DMWD: variants seen among roughly 807,000 people sequenced by gnomAD.
DMWD encodes DM1 locus, WD repeat containing.
A neutral mutation model predicts 45.8 loss-of-function variants in DMWD; 19 were observed. The observed-to-expected ratio is 0.41, with a 90% CI of 0.29 to 0.61. The LOEUF (loss-of-function observed/expected upper bound fraction) is 0.61. DMWD is among the 20% of genes least tolerant of loss of function. The pLI, the probability that DMWD is intolerant of heterozygous loss-of-function variation, is 0.25. For synonymous variants in DMWD, 515 were observed against 440.5 expected (o/e 1.17, Z -2.12); for missense variants, 802 against 965.2 (o/e 0.83, Z 2.24).
chr19:45,783,491 G>A lies in DMWD; in HGVS notation c.*752C>T. The A allele has an allele frequency of 2.5e-6, 1 of 398,464 alleles. No homozygotes were observed. The highest frequency in any genetic ancestry group is 3.6e-5 in the East Asian group (1 of 28,068). 24.7% of individuals were successfully genotyped at this position (398,464 alleles called of 1,614,324 possible). A position where few individuals can be genotyped will look rare whatever the true frequency, so the allele number is the denominator to read the frequency against. ...ACTTTGATGAGGGGCCCTGGCTGCGGGCAGGATGCTCTTCTCCCCAAGAGG... is the reference window on the plus strand; with the variant it reads ...ACTTTGATGAGGGGCCCTGGCTGCGAGCAGGATGCTCTTCTCCCCAAGAGG... On this transcript the variant is annotated 3_prime_UTR_variant, in exon 5 of 5. Coordinates refer to ENST00000270223, the MANE Select transcript of DMWD (RefSeq NM_004943.2).
At chr19:45,790,384 T>C (rs927808683) in intron 2 of DMWD, among the ~76,000 whole-genome samples, 1 of 144,670 alleles carries the variant, frequency 6.9e-6, no homozygotes, top group Non-Finnish European at 1.5e-5. Context: ...CCGGGCATGG[T>C]GGCTCACACC....
chr19:45,785,174 G>A, intron 3 of DMWD: 1 of 1,025,100 alleles, frequency 9.8e-7, no homozygotes, highest in Non-Finnish European at 1.2e-6. Flanking sequence ...CCAGACCCAG[G>A]CTGGCAGCCA....
rs1028743162 is a variant in DMWD, at chr19:45,792,811, C to T, written c.-55G>A. ...CGGACTGCCGCCCGCAGCCGGGCCC[C>T]CTCCCGGAAGCCGCTGGCCCGCGCC... On this transcript the variant is annotated 5_prime_UTR_variant, in exon 1 of 5. Coordinates refer to ENST00000270223, the MANE Select transcript of DMWD (RefSeq NM_004943.2). 299 of 1,081,898 alleles carry T rather than the reference C, an allele frequency of 2.8e-4. No individual in the cohort carries two copies. The highest frequency in any genetic ancestry group is 4.1e-4 in the Middle Eastern group (1 of 2,432). 67.0% of individuals were successfully genotyped at this position (1,081,898 alleles called of 1,614,324 possible).
rs1234385465 is a variant in DMWD at position 45,785,902 on chromosome 19, G to A, written c.1594C>T (p.Arg532Trp). 6.9e-6 allele frequency: 11 copies of A among 1,603,896 alleles called. No individual in the cohort carries two copies. The highest frequency in any genetic ancestry group is 2.7e-5 in the African/African-American group (2 of 75,022). Residue 532 changes from arginine (R) to tryptophan (W), a missense_variant, in exon 3 of 5, where the codon CGG (arginine) becomes TGG (tryptophan). Transcript: ENST00000270223. ...TGCTCCTTCTCTGCCCCCCGGTCCC[G>A]CCGCTCCTGCAGTGTGAGCGTGGCG... ...RFATLTLQER[R>W]DRGAEKEHKR...
In DMWD at chr19:45,786,069, G is replaced by T; in HGVS notation, c.1427C>A (p.Ser476Ter). The T allele has an allele frequency of 6.6e-7, 1 of 1,522,424 alleles. No homozygotes were observed. Among genetic ancestry groups the T allele is most frequent in the South Asian group, 1.3e-5 (1 of 78,698 alleles). The allele number at this position is 1,522,424 out of a possible 1,614,324, so 94.3% of individuals were successfully genotyped here. ...PGTTPPAASS[S>*]RGGEPGPGPL... ...GCCTGGGCCAGGCTCGCCACCCCTCGAGCTGCTGGCGGCCGGTGGCGTGGT... is the reference window on the plus strand; with the variant it reads ...GCCTGGGCCAGGCTCGCCACCCCTCTAGCTGCTGGCGGCCGGTGGCGTGGT... Residue 476 changes from serine to a stop codon, truncating the protein, a stop_gained, in exon 3 of 5, where the codon TCG becomes TAG. Coordinates refer to ENST00000270223, the MANE Select transcript of DMWD (RefSeq NM_004943.2). LOFTEE classifies it high-confidence loss of function.
chr19:45,791,973 A>G (rs1287690056), intron 1 of DMWD, among the ~76,000 whole-genome samples: 2 of 151,948 alleles, frequency 1.3e-5, no homozygotes, highest in Non-Finnish European at 2.9e-5. Flanking sequence ...GCATCACCTC[A>G]TGATTCCCCA....
intron 3 of DMWD, chr19:45,785,282 T>G: frequency 8.7e-7 from 1 of 1,153,646 alleles, no homozygotes; most frequent in Non-Finnish European, 1.1e-6. Flanking sequence ...AGATTCTGGT[T>G]CGAGTGACAG....
Position 45,783,367 on chromosome 19 carries a change from G to A in DMWD, c.*876C>T, listed in dbSNP as rs1420608823. Reference sequence around the variant, plus strand: ...GGGTGCCTGGGCCTTGAGAGGGCCAGGCCTGAGAAACTAGGAGGCAAGGAC... The same window carrying A: ...GGGTGCCTGGGCCTTGAGAGGGCCAAGCCTGAGAAACTAGGAGGCAAGGAC... On this transcript the variant is annotated 3_prime_UTR_variant, in exon 5 of 5. Coordinates refer to ENST00000270223, the MANE Select transcript of DMWD (RefSeq NM_004943.2). 1 of 389,746 alleles carries A rather than the reference G, an allele frequency of 2.6e-6. No homozygotes were observed. The highest frequency in any genetic ancestry group is 2.1e-5 in the African/African-American group (1 of 48,462). 24.1% of individuals were successfully genotyped at this position (389,746 alleles called of 1,614,324 possible).
Position 45,786,708 on chromosome 19 carries a change from A to G in DMWD, c.788T>C (p.Phe263Ser). The G allele has an allele frequency of 6.2e-7, 1 of 1,612,210 alleles. No homozygotes were observed. The highest frequency in any genetic ancestry group is 8.5e-7 in the Non-Finnish European group (1 of 1,178,504). ...QYSLLKQGEG[F>S]SVYAAKSKAP... is the part of the protein sequence containing the mutation. ...CTTGCTCTTGGCAGCATAGACAGAG[A>G]AGCCCTCGCCCTGCTTCAGCAGGCT... Residue 263 changes from phenylalanine (F) to serine (S), a missense_variant, in exon 3 of 5, where the codon TTC becomes TCC. Phe to Ser is a radical substitution (Grantham distance 155). This residue lies in a region of DMWD where 146 missense variants were observed against 212.8 expected (regional missense o/e 0.69). Coordinates refer to ENST00000270223, the MANE Select transcript of DMWD (RefSeq NM_004943.2).
Position 45,786,151 on chromosome 19 carries a change from C to T in DMWD, c.1345G>A (p.Val449Met), listed in dbSNP as rs556211008. The T allele has an allele frequency of 7.7e-6, 12 of 1,565,580 alleles. No individual in the cohort carries two copies. Among genetic ancestry groups the T allele is most frequent in the South Asian group, 7.1e-5 (6 of 84,862 alleles). Residue 449 changes from valine (V) to methionine (M), a missense_variant, in exon 3 of 5, where the codon GTG becomes ATG. Val to Met is a conservative substitution (Grantham distance 21). Transcript: ENST00000270223. ...QFCLWDLTED[V>M]LYPHPPLART... ...GCCAGGGGGGGGTGCGGGTAGAGCA[C>T]GTCTTCAGTGAGGTCCCACAGGCAG...
In DMWD at chr19:45,792,338, C is replaced by G. The variant is rs768362051; in HGVS notation, c.419G>C (p.Cys140Ser). The part of the protein sequence containing the change: ...LGRELYFYPG[C>S]CRRGSQRSID... ...CACCCGTTGGCTCCCACGACGACAGCAGCCTGGGTAGAAATAGAGCTCACG... is the reference window on the plus strand; with the variant it reads ...CACCCGTTGGCTCCCACGACGACAGGAGCCTGGGTAGAAATAGAGCTCACG... Residue 140 changes from cysteine to serine, a missense_variant, in exon 1 of 5, where the codon TGC (cysteine) becomes TCC (serine). Cys to Ser is a moderately radical substitution (Grantham distance 112, BLOSUM62 -1). Transcript: ENST00000270223. 1.9e-6 allele frequency: 3 copies of G among 1,611,220 alleles called. No individual in the cohort carries two copies. The highest frequency in any genetic ancestry group is 3.3e-5 in the Admixed American group (2 of 59,848).
rs373405602 is a variant in DMWD at position 45,786,326 on chromosome 19, G to A, written c.1170C>T (p.Ala390=). Residue 390 remains alanine (A), a synonymous_variant, in exon 3 of 5, where the codon GCC becomes GCT. Transcript: ENST00000270223. ...TTRAEEAATA[A]GADGERSGEE... ...CGCCGCTCCGCTCCCCATCAGCACCGGCTGCTGTCGCCGCCTCCTCTGCCC... is the reference window on the plus strand; with the variant it reads ...CGCCGCTCCGCTCCCCATCAGCACCAGCTGCTGTCGCCGCCTCCTCTGCCC... The A allele has an allele frequency of 1.7e-5, 28 of 1,606,460 alleles. No individual in the cohort carries two copies. Among genetic ancestry groups the A allele is most frequent in the East Asian group, 6.7e-5 (3 of 44,662 alleles).
intron 2 of DMWD, among the ~76,000 whole-genome samples, chr19:45,787,617 T>C (rs1046969375): frequency 4.6e-5 from 7 of 152,220 alleles, no homozygotes; most frequent in African/African-American, 1.7e-4. Context: ...CACTATTCTT[T>C]AAAGCAGTGC....
chr19:45,787,215 T>C, intron 2 of DMWD: 2 of 350,216 alleles, frequency 5.7e-6, no homozygotes, highest in Non-Finnish European at 5.4e-6. Context: ...TAGTGGTCCG[T>C]GGCCTGTTAG....
Position 45,786,217 on chromosome 19 carries a change from T to C in DMWD, c.1279A>G (p.Ile427Val), listed in dbSNP as rs772310008. 3 of 1,611,410 alleles carry C rather than the reference T, an allele frequency of 1.9e-6. No individual in the cohort carries two copies. The highest frequency in any genetic ancestry group is 1.3e-5 in the African/African-American group (1 of 74,998). ...PLSPLPKAGS[I>V]TYRFGSAGQD... ...CCCGCCGAGCCAAAGCGGTAAGTAA[T>C]GGAGCCAGCCTTGGGCAGTGGAGAG... is the stretch of plus-strand genomic sequence containing the variant. The change falls in exon 3 of 5, where the codon ATT (isoleucine) becomes GTT (valine). Residue 427 changes from isoleucine (I) to valine (V), a missense_variant. This residue lies in a region of DMWD where 67 missense variants were observed against 57.9 expected (regional missense o/e 1.16). Coordinates refer to ENST00000270223, the MANE Select transcript of DMWD (RefSeq NM_004943.2).
chr19:45,784,912 A>G (rs1970250713), intron 3 of DMWD, among the ~76,000 whole-genome samples, 197 bp from the exon 4 acceptor site: 1 of 152,168 alleles, frequency 6.6e-6, no homozygotes, highest in African/African-American at 2.4e-5. Flanking sequence ...AGAAGCTGAG[A>G]CACCCAAGAC....
chr19:45,789,588 A>G (rs1250712431), intron 2 of DMWD: 1 of 152,254 alleles, frequency 6.6e-6, no homozygotes, highest in Admixed American at 6.5e-5. Context: ...ATGGTGCAGC[A>G]GGGCTTTGAA....
intron 2 of DMWD, chr19:45,789,223 G>A (rs1020866107): frequency 6.6e-6 from 1 of 152,256 alleles, no homozygotes; most frequent in East Asian, 1.9e-4. Flanking sequence ...GCTGGGAACG[G>A]TGCCTGGCAC....
rs1315273244 is a variant in DMWD at position 45,786,482 on chromosome 19, G to A, written c.1014C>T (p.Gly338=). The part of the protein sequence containing the change: ...GLLCVCWSPD[G]RYVVTGGEDD... ...CTTCGCCACCCGTCACCACGTAGCG[G>A]CCGTCAGGGCTCCAGCACACACACA... The change falls in exon 3 of 5, where the codon GGC becomes GGT. Residue 338 remains glycine, a synonymous_variant. Transcript: ENST00000270223. The A allele has an allele frequency of 6.2e-7, 1 of 1,612,844 alleles. No individual in the cohort carries two copies. Among genetic ancestry groups the A allele is most frequent in the South Asian group, 1.1e-5 (1 of 91,044 alleles).
Sources: allele counts gnomAD v4.1 joint callset (sites outside exome capture counted in the v4.1 genomes callset), GRCh38; gene constraint gnomAD v4.1.1; regional missense constraint gnomAD v4.1.1; transcripts MANE v1.5; gene names NCBI Gene and HGNC (gene_info 2026-07-23, HGNC 2026-07-21).